The following TNS1 variants were observed in gnomAD, a reference collection of about 807,000 sequenced individuals.
The protein encoded by TNS1 is tensin 1, also known as tensin-1.
TNS1 carries 62 observed loss-of-function variants against 168.6 expected under a neutral mutation model. The observed-to-expected ratio is 0.37, with a 90% CI of 0.30 to 0.45. TNS1 has a LOEUF of 0.45. TNS1 is among the 20% of genes least tolerant of loss of function. The probability of loss-of-function intolerance (pLI) is 1.00; values close to 1 mark genes in which losing one functional copy is unlikely to be tolerated. For missense variants in TNS1, 2,240 were observed against 2,339.4 expected (o/e 0.96, Z 0.88); for synonymous variants, 934 against 933.2 (o/e 1.00, Z -0.02).
chr2:217,991,523 T>C (rs1241842856), intron 1 of TNS1, among the ~76,000 whole-genome samples: 1 of 152,118 alleles, frequency 6.6e-6, no homozygotes, highest in Non-Finnish European at 1.5e-5. Flanking sequence ...CAAAGAGTCA[T>C]GGTGCCAGAT....
chr2:217,885,027 G>A lies in TNS1; in HGVS notation c.1246+8C>T. 1 of 1,614,126 alleles carries A rather than the reference G, an allele frequency of 6.2e-7. No individual in the cohort carries two copies. The highest frequency in any genetic ancestry group is 8.5e-7 in the Non-Finnish European group (1 of 1,179,990). On this transcript the variant is annotated splice_region_variant and intron_variant, in intron 16 of 32. Coordinates refer to ENST00000682258, the MANE Select transcript of TNS1 (RefSeq NM_001387777.1). ...GTGCCCACCCCCAGCTCCACTCAAG[G>A]AGCGCACCTTTGAAAGCATCATCAA... is the stretch of plus-strand genomic sequence containing the variant.
At position 218,002,969 on chromosome 2, in the gene TNS1, G is replaced by C. The variant is rs765021646; in HGVS notation, c.-97C>G. ...GCTGGCAGAAGGGCTCTCTGAGTCC[G>C]CGGCTGCTCCGGCTCCGCCAGCATC... On this transcript the variant is annotated 5_prime_UTR_variant, in exon 1 of 33. Coordinates refer to ENST00000682258, the MANE Select transcript of TNS1 (RefSeq NM_001387777.1). 12 of 454,872 alleles carry C rather than the reference G, an allele frequency of 2.6e-5. No homozygotes were observed. The highest frequency in any genetic ancestry group is 4.9e-5 in the Non-Finnish European group (11 of 226,514). 28.2% of individuals were successfully genotyped at this position (454,872 alleles called of 1,614,324 possible).
At chr2:217,841,435 G>A (rs183272441) in intron 19 of TNS1, 176 of 188,370 alleles carry the variant, frequency 9.3e-4, no homozygotes, top group Middle Eastern at 5.5e-3. Flanking sequence ...CATTAAACAG[G>A]ACAAAACACA....
At position 217,847,520 on chromosome 2, in the gene TNS1, G is replaced by A. The variant is rs777163337; in HGVS notation, c.2997C>T (p.His999=). The A allele has an allele frequency of 1.4e-6, 2 of 1,467,418 alleles. No homozygotes were observed. Among genetic ancestry groups the A allele is most frequent in the South Asian group, 1.6e-5 (1 of 62,696 alleles). 90.9% of individuals were successfully genotyped at this position (1,467,418 alleles called of 1,614,324 possible). The change falls in exon 19 of 33, where the codon CAC becomes CAT. Residue 999 remains histidine (H), a synonymous_variant. Transcript: ENST00000682258. ...EPLNLEGLVA[H]RVAGVQAREK... is the part of the protein sequence containing the mutation. ...CTGAATACCTCTTACCTGCTACCCT[G>A]TGGGCCACCAGCCCTTCTAAATTCA...
chr2:217,848,322 G>C lies in TNS1; in HGVS notation c.2195C>G (p.Ser732Cys). 1 of 1,537,236 alleles carries C rather than the reference G, an allele frequency of 6.5e-7. No individual in the cohort carries two copies. The highest frequency in any genetic ancestry group is 8.8e-7 in the Non-Finnish European group (1 of 1,140,626). ...HPAWPQPVTT[S>C]HYAHDPSGMF... ...ACCGCTGGGGTCATGGGCATAGTGGGAGGTGGTCACTGGCTGTGGCCAGGC... is the reference window on the plus strand; with the variant it reads ...ACCGCTGGGGTCATGGGCATAGTGGCAGGTGGTCACTGGCTGTGGCCAGGC... The change falls in exon 19 of 33, where the codon TCC (serine) becomes TGC (cysteine). Residue 732 changes from serine (S) to cysteine (C), a missense_variant. Physicochemically the swap from Ser to Cys is moderately radical, Grantham distance 112 (BLOSUM62 -1). Coordinates refer to ENST00000682258, the MANE Select transcript of TNS1 (RefSeq NM_001387777.1).
chr2:217,847,865 C>G lies in TNS1; in HGVS notation c.2652G>C (p.Leu884=), dbSNP rs1946880123. The G allele has an allele frequency of 6.3e-7, 1 of 1,578,886 alleles. No individual in the cohort carries two copies. The highest frequency in any genetic ancestry group is 1.7e-5 in the Admixed American group (1 of 59,140). ...GGATATAGCCAGATCTGGACTGGGT[C>G]AGTGGATGGGACTGACGGGAGGATC... is the stretch of plus-strand genomic sequence containing the variant. ...LSGSSRQSHP[L]TQSRSGYIPS... The change falls in exon 19 of 33, where the codon CTG becomes CTC. Residue 884 remains leucine (L), a synonymous_variant. Coordinates refer to ENST00000682258, the MANE Select transcript of TNS1 (RefSeq NM_001387777.1).
At chr2:217,847,455 C>G (rs920975444) in intron 19 of TNS1, 55 bp downstream of exon 19, 10 of 1,370,530 alleles carry the variant, frequency 7.3e-6, no homozygotes, top group African/African-American at 2.9e-5. Context: ...GCACCTCCCC[C>G]CAGCAAGACC....
chr2:217,958,728 T>G (rs1957424679), intron 3 of TNS1, among the ~76,000 whole-genome samples: 1 of 152,136 alleles, frequency 6.6e-6, no homozygotes, highest in Admixed American at 6.5e-5. Flanking sequence ...AGCCTGCACT[T>G]GTTGAACCGC....
At chr2:217,866,932 G>A (rs866928603) in intron 18 of TNS1, among the ~76,000 whole-genome samples, 6 of 152,206 alleles carry the variant, frequency 3.9e-5, no homozygotes, top group Non-Finnish European at 7.3e-5. Context: ...AGCAGGGCAG[G>A]GCTCCTCAGG....
intron 9 of TNS1, among the ~76,000 whole-genome samples, chr2:217,894,684 C>A (rs79783479): frequency 0.037 from 5,596 of 152,016 alleles, 145 homozygotes; most frequent in Middle Eastern, 0.14. Context: ...AACAAAAAAA[C>A]CGGCAGCTGG....
At chr2:217,827,155 G>T (rs1234908951) in intron 22 of TNS1, among the ~76,000 whole-genome samples, 1 of 152,072 alleles carries the variant, frequency 6.6e-6, no homozygotes, top group Non-Finnish European at 1.5e-5. Flanking sequence ...CTCACCAGCT[G>T]CCTTAACACA....
At chr2:217,937,897 C>A (rs775438989) in intron 3 of TNS1, among the ~76,000 whole-genome samples, 1 of 152,156 alleles carries the variant, frequency 6.6e-6, no homozygotes, top group Non-Finnish European at 1.5e-5. Flanking sequence ...AAGCCCTCTT[C>A]CCCACCCCTA....
intron 4 of TNS1, among the ~76,000 whole-genome samples, chr2:217,918,108 G>C (rs865817303): frequency 1.2e-4 from 19 of 152,172 alleles, no homozygotes; most frequent in East Asian, 1.9e-4. Flanking sequence ...GGAAGAACCT[G>C]AGCTTTTGCT....
chr2:217,860,625 T>C (rs1202168775), intron 18 of TNS1, among the ~76,000 whole-genome samples: 2 of 152,228 alleles, frequency 1.3e-5, no homozygotes, highest in African/African-American at 4.8e-5. Context: ...CACGCAACCT[T>C]CATGTTTATT....
At chr2:217,910,262 G>A (rs1017885389) in intron 4 of TNS1, among the ~76,000 whole-genome samples, 25 of 152,052 alleles carry the variant, frequency 1.6e-4, no homozygotes, top group Non-Finnish European at 1.3e-4. Context: ...ACAGGGTGAC[G>A]CTTGCCAGAG....
chr2:217,869,515 C>G (rs983528038), intron 18 of TNS1, among the ~76,000 whole-genome samples: 1 of 152,128 alleles, frequency 6.6e-6, no homozygotes, highest in African/African-American at 2.4e-5. Context: ...AGCCACACAC[C>G]CATCAGAGCC....
chr2:217,825,941 C>T (rs1574652366), intron 22 of TNS1, among the ~76,000 whole-genome samples: 1 of 152,192 alleles, frequency 6.6e-6, no homozygotes, highest in African/African-American at 2.4e-5. Flanking sequence ...GGATGGCTCG[C>T]CCAGGGAGAA....
chr2:217,825,817 G>T (rs1943539865), intron 22 of TNS1, among the ~76,000 whole-genome samples: 1 of 152,152 alleles, frequency 6.6e-6, no homozygotes, highest in Admixed American at 6.6e-5. Context: ...CCCTGAGATG[G>T]CTCGATAGCA....
At chr2:217,971,911 T>C (rs1412194443) in intron 3 of TNS1, among the ~76,000 whole-genome samples, 1 of 152,196 alleles carries the variant, frequency 6.6e-6, no homozygotes, top group Non-Finnish European at 1.5e-5. Context: ...ATTTCCTCAC[T>C]CTTCCTTGAT....
Sources: gnomAD v4.1 joint callset for allele counts (sites outside exome capture counted in the v4.1 genomes callset) on GRCh38, gnomAD v4.1.1 for gene constraint, MANE v1.5 for transcripts, NCBI Gene and HGNC (gene_info 2026-07-23, HGNC 2026-07-21) for gene names.